CAMK1D: variants seen among roughly 807,000 people sequenced by gnomAD.
The protein encoded by CAMK1D is calcium/calmodulin-dependent protein kinase type 1D.
A neutral mutation model predicts 47.7 loss-of-function variants in CAMK1D; 9 were observed. The observed-to-expected ratio is 0.19, with a 90% CI of 0.11 to 0.33. CAMK1D has a LOEUF of 0.33. CAMK1D is among the 10% of genes least tolerant of loss of function. The pLI is 1.00. For synonymous variants in CAMK1D, 184 were observed against 184.9 expected (o/e 0.99, Z 0.04); for missense variants, 291 against 488.7 (o/e 0.60, Z 3.81).
Position 12,751,034 on chromosome 10 carries a change from C to T in CAMK1D, c.300-9914C>T, listed in dbSNP as rs189754975. Among the ~76,000 whole-genome samples, 339 of 151,132 alleles carry T rather than the reference C, an allele frequency of 2.2e-3. 3 individuals carry two copies. Among genetic ancestry groups the T allele is most frequent in the African/African-American group, 7.3e-3 (301 of 41,036 alleles). The stretch of plus-strand genomic sequence containing the variant: ...CGCCACTGCATTCCAGCCTGGGTGA[C>T]GGAGCCCGTCTCCCCCAATAAGATA... On this transcript the variant is annotated intron_variant, in intron 3 of 10. Transcript: ENST00000619168.
intron 1 of CAMK1D, among the ~76,000 whole-genome samples, chr10:12,369,399 A>G (rs1258667669): frequency 1.3e-5 from 2 of 152,178 alleles, no homozygotes; most frequent in African/African-American, 4.8e-5. Context: ...GTCCTGAGGG[A>G]ACTTTTTGGG....
At chr10:12,808,287 CCT>C (rs1170929815) in intron 6 of CAMK1D, among the ~76,000 whole-genome samples, 10 of 152,318 alleles carry the variant, frequency 6.6e-5, no homozygotes, top group African/African-American at 2.4e-4. Flanking sequence ...TCTTTATGTG[CCT>C]CTCTCACCCA....
At chr10:12,540,637 A>T (rs1265463181) in intron 1 of CAMK1D, among the ~76,000 whole-genome samples, 1 of 152,246 alleles carries the variant, frequency 6.6e-6, no homozygotes, top group African/African-American at 2.4e-5. Context: ...GGTTTCAGAC[A>T]TAGGATTGTA....
intron 1 of CAMK1D, among the ~76,000 whole-genome samples, chr10:12,362,440 G>A (rs1186788026): frequency 1.3e-5 from 2 of 152,196 alleles, no homozygotes; most frequent in Non-Finnish European, 2.9e-5. Flanking sequence ...GATATAAAAT[G>A]GTGTAGTATT....
intron 2 of CAMK1D, among the ~76,000 whole-genome samples, chr10:12,600,121 G>C (rs1164163047): frequency 1.3e-5 from 2 of 152,088 alleles, no homozygotes; most frequent in Non-Finnish European, 2.9e-5. Flanking sequence ...CGAAGAGAGA[G>C]GGAAGGAGGG....
chr10:12,719,624 A>G (rs147662812), intron 3 of CAMK1D, among the ~76,000 whole-genome samples: 6 of 152,058 alleles, frequency 3.9e-5, no homozygotes, highest in African/African-American at 1.4e-4. Context: ...GCCACTTTGC[A>G]CTAACCTTTC....
chr10:12,709,173 CGACTTGG>C (rs1468011841), intron 3 of CAMK1D, among the ~76,000 whole-genome samples: 1 of 152,064 alleles, frequency 6.6e-6, no homozygotes, highest in East Asian at 1.9e-4. Context: ...CTGGGAAAGC[CGACTTGG>C]AGCTTGGAGC....
At chr10:12,382,515 G>T (rs1838374068) in intron 1 of CAMK1D, among the ~76,000 whole-genome samples, 1 of 152,048 alleles carries the variant, frequency 6.6e-6, no homozygotes, top group South Asian at 2.1e-4. Context: ...TGTTTAGAAA[G>T]ATTTTAGCTA....
chr10:12,543,742 C>A (rs536168627), intron 1 of CAMK1D, among the ~76,000 whole-genome samples: 1 of 152,282 alleles, frequency 6.6e-6, no homozygotes, highest in Admixed American at 6.5e-5. Context: ...ATTCCCAGAG[C>A]CCAGCCCACT....
chr10:12,413,554 AATG>A (rs371091433), intron 1 of CAMK1D, among the ~76,000 whole-genome samples: 89 of 2,284 alleles, frequency 0.039, 3 homozygotes, highest in East Asian at 0.091. Context: ...TGATGGTGAT[AATG>A]ATGATGATGA....
intron 3 of CAMK1D, among the ~76,000 whole-genome samples, chr10:12,675,710 A>G (rs142795634): frequency 1.3e-5 from 2 of 151,000 alleles, no homozygotes; most frequent in Non-Finnish European, 3.0e-5. Flanking sequence ...TTGTTGAAAA[A>G]CTCCCATTGG....
chr10:12,825,918 T>G (rs1292777227), intron 10 of CAMK1D: 1 of 605,418 alleles, frequency 1.7e-6, no homozygotes, highest in Admixed American at 3.5e-5. Context: ...AGGAGGACTG[T>G]TTGAGTTCAG....
At chr10:12,806,560 G>A (rs184725234) in intron 6 of CAMK1D, among the ~76,000 whole-genome samples, 56 of 152,290 alleles carry the variant, frequency 3.7e-4, no homozygotes, top group African/African-American at 1.3e-3. Flanking sequence ...CCCCTTTTGC[G>A]TCCCTTTTGC....
At chr10:12,489,508 G>A (rs1018670797) in intron 1 of CAMK1D, among the ~76,000 whole-genome samples, 7 of 152,280 alleles carry the variant, frequency 4.6e-5, no homozygotes, top group African/African-American at 1.7e-4. Flanking sequence ...TTAATCAAGC[G>A]GTAGGGAAGC....
At chr10:12,654,058 A>T (rs889645532) in intron 2 of CAMK1D, among the ~76,000 whole-genome samples, 5 of 152,182 alleles carry the variant, frequency 3.3e-5, no homozygotes, top group African/African-American at 1.2e-4. Flanking sequence ...CCAGTGCATT[A>T]TTTTGTTTCC....
intron 3 of CAMK1D, among the ~76,000 whole-genome samples, chr10:12,688,728 A>G (rs1316083093): frequency 3.3e-5 from 5 of 152,152 alleles, no homozygotes; most frequent in African/African-American, 4.8e-5. Flanking sequence ...CTTGTCGCCC[A>G]GGCTGGAGTG....
intron 5 of CAMK1D, among the ~76,000 whole-genome samples, chr10:12,772,111 G>A (rs562559964): frequency 7.9e-5 from 12 of 152,214 alleles, no homozygotes; most frequent in East Asian, 7.7e-4. Context: ...CTAAGATAGC[G>A]TGATAACGGT....
chr10:12,777,782 C>T (rs1297124819), intron 5 of CAMK1D, among the ~76,000 whole-genome samples: 7 of 152,224 alleles, frequency 4.6e-5, no homozygotes, highest in African/African-American at 1.2e-4. Flanking sequence ...CCGTGGGGCT[C>T]GCCCCAGCCA....
At chr10:12,615,621 T>TACATAC (rs1838767806) in intron 2 of CAMK1D, among the ~76,000 whole-genome samples, 1 of 147,792 alleles carries the variant, frequency 6.8e-6, no homozygotes, top group Non-Finnish European at 1.5e-5. Flanking sequence ...TATACGTATG[T>TACATAC]GTAGTGTGAG....
Sources: gnomAD v4.1 joint callset for allele counts (sites outside exome capture counted in the v4.1 genomes callset) on GRCh38, gnomAD v4.1.1 for gene constraint, MANE v1.5 for transcripts, NCBI Gene and HGNC (gene_info 2026-07-23, HGNC 2026-07-21) for gene names.